The following SORCS1 variants were observed in gnomAD, a reference collection of about 807,000 sequenced individuals.
SORCS1 encodes VPS10 domain-containing receptor SorCS1.
In SORCS1, 60 loss-of-function variants were observed where a neutral mutation model predicts 146.1. The observed-to-expected ratio is 0.41, with a 90% CI of 0.33 to 0.51. The LOEUF (loss-of-function observed/expected upper bound fraction) is 0.51. SORCS1 is among the 20% of genes least tolerant of loss of function. SORCS1 has a pLI of 0.21. For synonymous variants in SORCS1, 637 were observed against 584.0 expected, an observed-to-expected ratio of 1.09 and a Z score of -1.31; for missense variants, 1,352 against 1,487.6, an observed-to-expected ratio of 0.91 and a Z score of 1.50.
At chr10:106,625,630 A>T (rs1394182557) in intron 19 of SORCS1, among the ~76,000 whole-genome samples, 1 of 152,118 alleles carries the variant, frequency 6.6e-6, no homozygotes, top group Admixed American at 6.6e-5. Context: ...TGGTCGAAAA[A>T]CTACGTGGGT....
chr10:107,177,523 A>C, the SORCS1 span, among the ~76,000 whole-genome samples: 7 of 152,296 alleles, frequency 4.6e-5, no homozygotes, highest in Admixed American at 3.9e-4. Flanking sequence ...TATTTATAGG[A>C]TCTGTTGCAC....
intron 1 of SORCS1, among the ~76,000 whole-genome samples, chr10:107,138,710 G>T: frequency 6.6e-6 from 1 of 152,140 alleles, no homozygotes; most frequent in East Asian, 1.9e-4. Flanking sequence ...CATGTGTAGA[G>T]TACATCTTAA....
At chr10:106,994,718 T>C (rs1956921631) in intron 1 of SORCS1, among the ~76,000 whole-genome samples, 1 of 152,236 alleles carries the variant, frequency 6.6e-6, no homozygotes, top group South Asian at 2.1e-4. Context: ...GTGAAAATAC[T>C]GGTGAAGGTT....
chr10:106,596,912 C>T (rs570097596), intron 24 of SORCS1, among the ~76,000 whole-genome samples: 59 of 152,172 alleles, frequency 3.9e-4, no homozygotes, highest in African/African-American at 1.3e-3. Context: ...AGTGCGGTGG[C>T]GTGATCTCGG....
intron 4 of SORCS1, among the ~76,000 whole-genome samples, chr10:106,775,814 T>A (rs897601888): frequency 2.6e-5 from 4 of 152,212 alleles, no homozygotes; most frequent in Non-Finnish European, 5.9e-5. Context: ...TTATTAGCTA[T>A]TGCTAGCCTT....
rs569779406 is a variant in SORCS1 at position 106,900,099 on chromosome 10, T to C, written c.626+56414A>G. ...CATCCTTCCCAAACCGCACACTAAA[T>C]AGGCATATTTTCCGTCAAGAATTCT... is the stretch of plus-strand genomic sequence containing the variant. On this transcript the variant is annotated intron_variant, in intron 2 of 25. Transcript: ENST00000263054. 8.5e-5 allele frequency among the ~76,000 whole-genome samples: 13 copies of C among 152,196 alleles called. 1 individual carries two copies. The highest frequency in any genetic ancestry group is 2.4e-4 in the African/African-American group (10 of 41,528).
chr10:106,781,811 T>C (rs751809710), intron 3 of SORCS1, among the ~76,000 whole-genome samples: 20 of 152,146 alleles, frequency 1.3e-4, no homozygotes, highest in Non-Finnish European at 2.2e-4. Context: ...AGGACAGTGT[T>C]AGGGAAAGTT....
At chr10:106,582,018 T>C (rs1382851561) in intron 24 of SORCS1, among the ~76,000 whole-genome samples, 1 of 152,128 alleles carries the variant, frequency 6.6e-6, no homozygotes, top group Non-Finnish European at 1.5e-5. Context: ...CTAAGAATAC[T>C]GAGCTTGCTT....
At chr10:106,944,141 G>T (rs1176304836) in intron 2 of SORCS1, among the ~76,000 whole-genome samples, 1 of 152,068 alleles carries the variant, frequency 6.6e-6, no homozygotes, top group African/African-American at 2.4e-5. Flanking sequence ...CACCAGTTTT[G>T]TTCTTTGCCA....
intron 2 of SORCS1, among the ~76,000 whole-genome samples, chr10:106,893,267 C>T (rs1951308837): frequency 6.6e-6 from 1 of 152,106 alleles, no homozygotes; most frequent in African/African-American, 2.4e-5. Flanking sequence ...TGGTCACCTT[C>T]AATAAATACC....
chr10:106,955,477 T>C (rs1224939979), intron 2 of SORCS1, among the ~76,000 whole-genome samples: 2 of 152,228 alleles, frequency 1.3e-5, no homozygotes, highest in Non-Finnish European at 2.9e-5. Flanking sequence ...GAGCAAGCCC[T>C]GTGGGCACAA....
chr10:106,986,176 A>T (rs1956460446), intron 1 of SORCS1, among the ~76,000 whole-genome samples: 1 of 152,158 alleles, frequency 6.6e-6, no homozygotes, highest in Non-Finnish European at 1.5e-5. Context: ...TTTTTTGAAA[A>T]CAAATTTGGA....
At chr10:106,885,557 G>T (rs552364771) in intron 2 of SORCS1, among the ~76,000 whole-genome samples, 2 of 148,596 alleles carry the variant, frequency 1.3e-5, no homozygotes, top group East Asian at 3.9e-4. Flanking sequence ...CAACTAACAG[G>T]GCTATCTGGA....
In SORCS1 at chr10:106,881,821, C is replaced by T. The variant is rs80115804; in HGVS notation, c.627-52148G>A. Among the ~76,000 whole-genome samples the T allele has an allele frequency of 4.5e-4, 68 of 152,234 alleles. 2 individuals carry two copies. Among genetic ancestry groups the T allele is most frequent in the Non-Finnish European group, 7.2e-4 (49 of 68,010 alleles). ...ATTGGTAATAATTATGGTAACAATC[C>T]CCCTTTGATATGCTTGTATTCATTC... On this transcript the variant is annotated intron_variant, in intron 2 of 25. Coordinates refer to ENST00000263054, the MANE Select transcript of SORCS1 (RefSeq NM_052918.5).
intron 1 of SORCS1, among the ~76,000 whole-genome samples, chr10:106,997,085 C>A (rs1312318008): frequency 1.3e-5 from 2 of 151,742 alleles, no homozygotes; most frequent in Admixed American, 1.3e-4. Flanking sequence ...GTCCTTTAAG[C>A]CCTTACATAT....
intron 2 of SORCS1, among the ~76,000 whole-genome samples, chr10:106,849,520 C>G (rs964710978): frequency 1.3e-4 from 19 of 148,538 alleles, no homozygotes; most frequent in African/African-American, 4.2e-4. Flanking sequence ...ACTTCTTTGC[C>G]TTTGGTTTGA....
chr10:106,810,885 G>A (rs967228502), intron 3 of SORCS1, among the ~76,000 whole-genome samples: 1 of 151,570 alleles, frequency 6.6e-6, no homozygotes, highest in African/African-American at 2.4e-5. Flanking sequence ...TTCTAGGAGA[G>A]AAATCATGAG....
At chr10:106,634,068 G>C (rs111471997) in intron 18 of SORCS1, among the ~76,000 whole-genome samples, 38 of 152,196 alleles carry the variant, frequency 2.5e-4, no homozygotes, top group Non-Finnish European at 5.1e-4. Context: ...CTTTAGGACT[G>C]TAAGTACTAA....
At chr10:106,993,426 G>A (rs943883141) in intron 1 of SORCS1, among the ~76,000 whole-genome samples, 3 of 152,306 alleles carry the variant, frequency 2.0e-5, no homozygotes, top group African/African-American at 2.4e-5. Context: ...TTTTACAGGT[G>A]AGAAAATTGA....
Sources: gnomAD v4.1 joint callset for allele counts (sites outside exome capture counted in the v4.1 genomes callset) on GRCh38, gnomAD v4.1.1 for gene constraint, MANE v1.5 for transcripts, NCBI Gene and HGNC (gene_info 2026-07-23, HGNC 2026-07-21) for gene names.